The following LRRFIP2 variants were observed in gnomAD, a reference collection of about 807,000 sequenced individuals.
LRRFIP2 encodes LRR binding FLII interacting protein 2.
In LRRFIP2, 109 loss-of-function variants were observed where a neutral mutation model predicts 125.9. The ratio of observed to expected loss-of-function variants is 0.87; its 90% confidence interval spans 0.74 to 1.01. The LOEUF (loss-of-function observed/expected upper bound fraction) is 1.01, where lower values mean the gene tolerates loss of function less well. Ranked by LOEUF, LRRFIP2 falls within the 50% of genes least tolerant of loss-of-function variation. The pLI, the probability that LRRFIP2 is intolerant of heterozygous loss-of-function variation, is 0.00. For synonymous variants in LRRFIP2, 291 were observed against 293.1 expected (o/e 0.99, Z 0.07); for missense variants, 850 against 862.3 (o/e 0.99, Z 0.18).
chr3:37,121,879 TG>T (rs1559942616), intron 4 of LRRFIP2, among the ~76,000 whole-genome samples, 188 bp from the exon 5 acceptor site: 1 of 146,510 alleles, frequency 6.8e-6, no homozygotes, highest in African/African-American at 2.6e-5. Context: ...TGTGTGTGTG[TG>T]TGTGTGTAAG....
chr3:37,107,604 A>G lies in LRRFIP2; in HGVS notation c.714+469T>C, dbSNP rs562406329. 1.2e-3 allele frequency among the ~76,000 whole-genome samples: 190 copies of G among 152,314 alleles called. 5 individuals carry two copies. The South Asian group carries it at 0.038, about 31-fold the overall frequency. On this transcript the variant is annotated intron_variant, in intron 13 of 27. Transcript: ENST00000336686. ...TAAAAATACTCTAGAAAGATTAGGT[A>G]ATTATAATTGTCCCAGTTTTGTCTT...
At position 37,162,078 on chromosome 3, in the gene LRRFIP2, C is replaced by T. The variant is rs185719628; in HGVS notation, c.-56+12461G>A. Among the ~76,000 whole-genome samples, 923 of 147,390 alleles carry T rather than the reference C, an allele frequency of 6.3e-3. 7 individuals carry two copies. The highest frequency in any genetic ancestry group is 0.021 in the African/African-American group (849 of 40,050). On this transcript the variant is annotated intron_variant, in intron 1 of 27. Coordinates refer to ENST00000336686, the MANE Select transcript of LRRFIP2 (RefSeq NM_006309.4). ...GACTGAGGCAGGAGCATCGCTTGAG[C>T]CCAGGAGGTCGAGGTTGTAGTGAGT...
At chr3:37,089,696 G>GA (rs1383811989) in intron 18 of LRRFIP2, among the ~76,000 whole-genome samples, 4 of 151,966 alleles carry the variant, frequency 2.6e-5, no homozygotes, top group African/African-American at 4.8e-5. Context: ...AACATGAAAG[G>GA]AAAAAACGTT....
chr3:37,136,966 G>T (rs55747863), intron 2 of LRRFIP2, among the ~76,000 whole-genome samples: 1 of 92,516 alleles, frequency 1.1e-5, no homozygotes, highest in Non-Finnish European at 2.3e-5. Context: ...TGGGGGGGGT[G>T]GGGGGGTGGG....
chr3:37,170,263 A>T (rs980834769), intron 1 of LRRFIP2: 2 of 152,214 alleles, frequency 1.3e-5, no homozygotes, highest in African/African-American at 4.8e-5. Flanking sequence ...AACAATCTTG[A>T]CCGTAATACA....
intron 22 of LRRFIP2, 136 bp downstream of exon 22, chr3:37,066,088 C>T (rs1055324168): frequency 7.6e-7 from 1 of 1,321,010 alleles, no homozygotes; most frequent in South Asian, 1.2e-5. Flanking sequence ...TAAGAAATAG[C>T]TTCAACCTAC....
chr3:37,095,041 G>C, intron 16 of LRRFIP2, 133 bp from the exon 17 acceptor site: 1 of 644,612 alleles, frequency 1.6e-6, no homozygotes, highest in Non-Finnish European at 2.8e-6. Context: ...TGTAATCAAT[G>C]GTCAATTTAG....
rs200004096 is a variant in LRRFIP2, at chr3:37,111,052, A to C, written c.452T>G (p.Phe151Cys). ...SHKDLLSGLY[F>C]DQRNYSSLRH... is the part of the protein sequence containing the mutation. Reference sequence around the variant, plus strand: ...AAGACTGCTATAGTTTCTCTGGTCAAAGTAGAGGCCACTCTGCAAAAAGCA... The same window carrying C: ...AAGACTGCTATAGTTTCTCTGGTCACAGTAGAGGCCACTCTGCAAAAAGCA... The change falls in exon 9 of 28, where the codon TTT becomes TGT. Residue 151 changes from phenylalanine (F) to cysteine (C), a missense_variant. Phe to Cys is a radical substitution (Grantham distance 205, BLOSUM62 -2). Coordinates refer to ENST00000336686, the MANE Select transcript of LRRFIP2 (RefSeq NM_006309.4). 1.6e-4 allele frequency: 263 copies of C among 1,613,690 alleles called. 5 individuals carry two copies. In the South Asian group the frequency reaches 2.7e-3, roughly 17 times the overall value.
intron 8 of LRRFIP2, among the ~76,000 whole-genome samples, chr3:37,112,405 G>T (rs558404385): frequency 4.8e-4 from 72 of 151,498 alleles, no homozygotes; most frequent in African/African-American, 1.7e-3. Flanking sequence ...AAAGTGACTA[G>T]AATAAAGAGT....
At chr3:37,056,655 A>G (rs140342066) in intron 25 of LRRFIP2, among the ~76,000 whole-genome samples, 129 of 152,054 alleles carry the variant, frequency 8.5e-4, no homozygotes, top group African/African-American at 2.9e-3. Context: ...GGGTTTCACC[A>G]TGTTAGCCAG....
chr3:37,061,888 A>C (rs2088859586), intron 24 of LRRFIP2, among the ~76,000 whole-genome samples: 1 of 152,152 alleles, frequency 6.6e-6, no homozygotes, highest in Non-Finnish European at 1.5e-5. Context: ...TCCTCTCTCT[A>C]ACCACTATTC....
intron 11 of LRRFIP2, among the ~76,000 whole-genome samples, chr3:37,109,016 C>T (rs1392844657): frequency 6.6e-6 from 1 of 152,092 alleles, no homozygotes; most frequent in African/African-American, 2.4e-5. Flanking sequence ...AGCATTTTGC[C>T]TACTACTACA....
intron 8 of LRRFIP2, 136 bp from the exon 9 acceptor site, chr3:37,111,201 C>A: frequency 3.3e-6 from 2 of 597,212 alleles, no homozygotes; most frequent in Non-Finnish European, 5.9e-6. Flanking sequence ...GTTTTTAAAT[C>A]ATCATATCAC....
chr3:37,055,879 T>C (rs1346644195), intron 25 of LRRFIP2, among the ~76,000 whole-genome samples: 1 of 152,160 alleles, frequency 6.6e-6, no homozygotes, highest in Non-Finnish European at 1.5e-5. Flanking sequence ...CAGGTTTTGC[T>C]TCTGCTGTCC....
chr3:37,124,036 C>T (rs1408762420), intron 4 of LRRFIP2, among the ~76,000 whole-genome samples: 1 of 152,110 alleles, frequency 6.6e-6, no homozygotes, highest in African/African-American at 2.4e-5. Context: ...CCATACAGGT[C>T]AGTTAATTTG....
At chr3:37,068,550 T>C (rs771350380) in intron 21 of LRRFIP2, 16 of 152,232 alleles carry the variant, frequency 1.1e-4, no homozygotes, top group Non-Finnish European at 2.1e-4. Flanking sequence ...TTGGATCAAA[T>C]GTATTCAAGC....
chr3:37,172,256 A>G (rs1387348244), intron 1 of LRRFIP2, among the ~76,000 whole-genome samples: 1 of 152,232 alleles, frequency 6.6e-6, no homozygotes, highest in Non-Finnish European at 1.5e-5. Flanking sequence ...GAAGGCTAAA[A>G]ACAACCTAAA....
chr3:37,140,675 C>T (rs1369720331), intron 2 of LRRFIP2, among the ~76,000 whole-genome samples: 2 of 151,222 alleles, frequency 1.3e-5, no homozygotes, highest in East Asian at 3.9e-4. Flanking sequence ...AAAACTGAGG[C>T]TCTCCCACTA....
At chr3:37,070,200 G>C (rs1296314155) in intron 21 of LRRFIP2, among the ~76,000 whole-genome samples, 3 of 150,882 alleles carry the variant, frequency 2.0e-5, no homozygotes, top group African/African-American at 7.3e-5. Flanking sequence ...TGCAACCTTG[G>C]CCTCCCGGAT....
Sources: gnomAD v4.1 joint callset for allele counts (sites outside exome capture counted in the v4.1 genomes callset) on GRCh38, gnomAD v4.1.1 for gene constraint, MANE v1.5 for transcripts, NCBI Gene and HGNC (gene_info 2026-07-23, HGNC 2026-07-21) for gene names.